ELAPOR1: variants seen among roughly 807,000 people sequenced by gnomAD.
ELAPOR1 encodes the protein endosome-lysosome associated apoptosis and autophagy regulator 1.
A neutral mutation model predicts 119.7 loss-of-function variants in ELAPOR1; 77 were observed. That is an observed-to-expected ratio of 0.64 (90% confidence interval 0.54 to 0.78). The LOEUF (loss-of-function observed/expected upper bound fraction) is 0.78. Among genes scored for constraint, ELAPOR1 ranks in the 30% least tolerant of loss-of-function variants. The pLI is 0.00. For missense variants in ELAPOR1, 1,115 were observed against 1,270.4 expected (o/e 0.88, Z 1.86); for synonymous variants, 481 against 487.2 (o/e 0.99, Z 0.17).
At position 109,164,679 on chromosome 1, in the gene ELAPOR1, G is replaced by A. The variant is rs1208517334; in HGVS notation, c.455G>A (p.Gly152Glu). 1.9e-6 allele frequency: 3 copies of A among 1,613,280 alleles called. No individual in the cohort carries two copies. Among genetic ancestry groups the A allele is most frequent in the Admixed American group, 1.7e-5 (1 of 59,826 alleles). ...GATGACAGTGCTGCTGAGTCCACCG[G>A]GAACTGTACTTCGTGAGTCTGCACA... is the stretch of plus-strand genomic sequence containing the variant. ...ELDDSAAEST[G>E]NCTSSKWVPR... Residue 152 changes from glycine to glutamate, a missense_variant, in exon 3 of 22, where the codon GGG (glycine) becomes GAG (glutamate). Coordinates refer to ENST00000369939, the MANE Select transcript of ELAPOR1 (RefSeq NM_020775.5).
intron 1 of ELAPOR1, among the ~76,000 whole-genome samples, chr1:109,149,035 G>T (rs1024053092): frequency 1.3e-5 from 2 of 152,180 alleles, no homozygotes; most frequent in East Asian, 3.9e-4. Flanking sequence ...AGCGACCAGG[G>T]TTTCTCTTGG....
Position 109,198,686 on chromosome 1 carries a change from A to C in ELAPOR1, c.2501+12A>C. The stretch of plus-strand genomic sequence containing the variant: ...TTGCTGCTGCCAGGGTAAGCCCTGC[A>C]AAGGGATGTAACAAAGGCCAAAATC... On this transcript the variant is annotated intron_variant, in intron 18 of 21. Coordinates refer to ENST00000369939, the MANE Select transcript of ELAPOR1 (RefSeq NM_020775.5). 6.2e-7 allele frequency: 1 copy of C among 1,608,576 alleles called. No homozygotes were observed. The highest frequency in any genetic ancestry group is 8.5e-7 in the Non-Finnish European group (1 of 1,177,062).
At chr1:109,187,968 G>A in intron 8 of ELAPOR1, 1 of 1,314,122 alleles carries the variant, frequency 7.6e-7, no homozygotes, top group Non-Finnish European at 9.7e-7. Context: ...ACATTCATTT[G>A]GCAGATAGTG....
At chr1:109,199,310 G>A (rs1186040984) in intron 18 of ELAPOR1, among the ~76,000 whole-genome samples, 1 of 152,200 alleles carries the variant, frequency 6.6e-6, no homozygotes, top group East Asian at 1.9e-4. Flanking sequence ...AGACGTTTTG[G>A]ATATGCTGCG....
intron 8 of ELAPOR1, among the ~76,000 whole-genome samples, chr1:109,185,728 G>A (rs1653002667): frequency 2.0e-5 from 3 of 152,132 alleles, no homozygotes; most frequent in African/African-American, 7.2e-5. Flanking sequence ...GGAGCTCACA[G>A]TCCTGTATGA....
chr1:109,138,219 C>T (rs1195216037), intron 1 of ELAPOR1, among the ~76,000 whole-genome samples: 1 of 152,206 alleles, frequency 6.6e-6, no homozygotes, highest in East Asian at 1.9e-4. Context: ...AGATGATTCT[C>T]CACTCACACA....
intron 1 of ELAPOR1, among the ~76,000 whole-genome samples, chr1:109,157,411 T>A (rs1650949527): frequency 6.6e-6 from 1 of 152,214 alleles, no homozygotes; most frequent in African/African-American, 2.4e-5. Flanking sequence ...CTACATCATC[T>A]TAATCATGCT....
chr1:109,165,659 C>T (rs1197513834), intron 3 of ELAPOR1, among the ~76,000 whole-genome samples: 1 of 151,402 alleles, frequency 6.6e-6, no homozygotes, highest in African/African-American at 2.4e-5. Context: ...AATTTCAGAT[C>T]AGCCAATATA....
intron 1 of ELAPOR1, 68 bp from the exon 2 acceptor site, chr1:109,161,825 GT>G: frequency 6.4e-7 from 1 of 1,554,096 alleles, no homozygotes; most frequent in Non-Finnish European, 8.8e-7. Context: ...GTGCTGGGAA[GT>G]GGGTGGGAAG....
intron 1 of ELAPOR1, among the ~76,000 whole-genome samples, chr1:109,134,586 C>T (rs1044506771): frequency 1.3e-5 from 2 of 152,192 alleles, no homozygotes; most frequent in Admixed American, 6.5e-5. Context: ...GGCAGTGCCC[C>T]GTTGGCCTAC....
intron 8 of ELAPOR1, chr1:109,186,990 T>C: frequency 1.0e-6 from 1 of 985,592 alleles, no homozygotes. Flanking sequence ...GGAGTGCGCA[T>C]GAACATGCAT....
chr1:109,124,146 C>T (rs1204150153), intron 1 of ELAPOR1, among the ~76,000 whole-genome samples: 1 of 152,174 alleles, frequency 6.6e-6, no homozygotes, highest in Non-Finnish European at 1.5e-5. Context: ...CACACATGCT[C>T]TTTCATAACC....
At chr1:109,123,428 A>C (rs1164588622) in intron 1 of ELAPOR1, among the ~76,000 whole-genome samples, 1 of 152,208 alleles carries the variant, frequency 6.6e-6, no homozygotes, top group Non-Finnish European at 1.5e-5. Flanking sequence ...TAAAGACGAC[A>C]TATGAATATT....
intron 7 of ELAPOR1, among the ~76,000 whole-genome samples, chr1:109,184,388 AAGAT>A (rs1271959787): frequency 6.6e-6 from 1 of 152,152 alleles, no homozygotes; most frequent in African/African-American, 2.4e-5. Flanking sequence ...AATAATAATA[AAGAT>A]AGTGTTGGGA....
chr1:109,117,862 G>A (rs947461284), intron 1 of ELAPOR1, among the ~76,000 whole-genome samples: 1 of 152,072 alleles, frequency 6.6e-6, no homozygotes, highest in African/African-American at 2.4e-5. Context: ...GGGCACAGTG[G>A]CTCACACCTG....
In ELAPOR1 at chr1:109,200,249, G is replaced by C; in HGVS notation, c.2807+12G>C. The C allele has an allele frequency of 6.2e-7, 1 of 1,611,080 alleles. No homozygotes were observed. The highest frequency in any genetic ancestry group is 8.5e-7 in the Non-Finnish European group (1 of 1,177,460). Reference sequence around the variant, plus strand: ...AAAAAGAATCAAAAGTACATGTTGCGGTATTGGAGTGTGGGGATGGACAGG... The same window carrying C: ...AAAAAGAATCAAAAGTACATGTTGCCGTATTGGAGTGTGGGGATGGACAGG... On this transcript the variant is annotated intron_variant, in intron 20 of 21. Transcript: ENST00000369939.
At chr1:109,190,223 C>A (rs1653346063) in intron 11 of ELAPOR1, among the ~76,000 whole-genome samples, 2 of 152,200 alleles carry the variant, frequency 1.3e-5, no homozygotes, top group African/African-American at 4.8e-5. Context: ...TGCTTTGCCG[C>A]TTACTGGCCG....
chr1:109,194,709 G>A (rs1049960792), intron 15 of ELAPOR1, 115 bp downstream of exon 15: 87 of 887,814 alleles, frequency 9.8e-5, no homozygotes, highest in Middle Eastern at 2.8e-4. Flanking sequence ...GGGTTGAGGA[G>A]CTTCAAAGGT....
chr1:109,194,379 C>T (rs1463300446), intron 14 of ELAPOR1, 42 bp from the exon 15 acceptor site: 3 of 1,585,996 alleles, frequency 1.9e-6, no homozygotes. Flanking sequence ...CCCTCAAGGC[C>T]CTTCCTGACC....
Sources: allele counts gnomAD v4.1 joint callset (sites outside exome capture counted in the v4.1 genomes callset), GRCh38; gene constraint gnomAD v4.1.1; transcripts MANE v1.5; gene names NCBI Gene and HGNC (gene_info 2026-07-23, HGNC 2026-07-21).